The following ANKRD62 variants were observed in gnomAD, a reference collection of about 807,000 sequenced individuals.
ANKRD62 encodes the protein ankyrin repeat domain-containing protein 62.
A neutral mutation model predicts 98.8 loss-of-function variants in ANKRD62; 61 were observed. The observed-to-expected ratio is 0.62, with a 90% confidence interval of 0.50 to 0.76. ANKRD62 has a LOEUF of 0.76. ANKRD62 is among the 30% of genes least tolerant of loss of function. ANKRD62 has a pLI of 0.00. For synonymous variants in ANKRD62, 341 were observed against 367.9 expected, an observed-to-expected ratio of 0.93 and a Z score of 0.84; for missense variants, 933 against 1,082.9, an observed-to-expected ratio of 0.86 and a Z score of 1.94.
the ANKRD62 span, among the ~76,000 whole-genome samples, chr18:12,168,612 A>G: frequency 6.6e-6 from 1 of 152,198 alleles, no homozygotes; most frequent in African/African-American, 2.4e-5. Flanking sequence ...TGTCTTGGCA[A>G]TGAAGGCTCT....
At chr18:12,174,214 G>C in the ANKRD62 span, among the ~76,000 whole-genome samples, 1 of 150,718 alleles carries the variant, frequency 6.6e-6, no homozygotes, top group Admixed American at 6.6e-5. Flanking sequence ...TTTTCTTTCT[G>C]TTCTTGTCTG....
At chr18:12,166,294 T>C in the ANKRD62 span, among the ~76,000 whole-genome samples, 1 of 152,094 alleles carries the variant, frequency 6.6e-6, no homozygotes, top group Non-Finnish European at 1.5e-5. Flanking sequence ...TTGAGGCTAT[T>C]TTCTGTATCT....
intron 7 of ANKRD62, among the ~76,000 whole-genome samples, chr18:12,104,647 G>C (rs1302263526): frequency 6.6e-6 from 1 of 152,106 alleles, no homozygotes; most frequent in African/African-American, 2.4e-5. Flanking sequence ...CTCGTTTTTA[G>C]GAAGAGACAC....
At chr18:12,109,200 C>T (rs1467454401) in intron 8 of ANKRD62, among the ~76,000 whole-genome samples, 1 of 152,198 alleles carries the variant, frequency 6.6e-6, no homozygotes, top group African/African-American at 2.4e-5. Context: ...GGGCTCTGCC[C>T]CTGCAGCAGA....
chr18:12,096,156 G>T, intron 3 of ANKRD62, 40 bp from the exon 4 acceptor site: 2 of 1,315,114 alleles, frequency 1.5e-6, no homozygotes, highest in Non-Finnish European at 2.1e-6. Context: ...TGGGAAGTAT[G>T]TAATTTTGTG....
chr18:12,117,031 A>C (rs1263546909), intron 10 of ANKRD62, among the ~76,000 whole-genome samples: 1 of 152,172 alleles, frequency 6.6e-6, no homozygotes, highest in East Asian at 1.9e-4. Flanking sequence ...TATGCTTAAA[A>C]ATTTAGTCTG....
chr18:12,118,258 C>A (rs1909708063), intron 10 of ANKRD62, among the ~76,000 whole-genome samples: 1 of 152,172 alleles, frequency 6.6e-6, no homozygotes, highest in Non-Finnish European at 1.5e-5. Flanking sequence ...GATGTTTTTA[C>A]CATATCCATA....
At chr18:12,124,995 A>T (rs1909857228) in intron 12 of ANKRD62, among the ~76,000 whole-genome samples, 1 of 152,332 alleles carries the variant, frequency 6.6e-6, no homozygotes. Context: ...AGAATTATCT[A>T]TAAAATAGTC....
chr18:12,139,656 A>AAT, the ANKRD62 span, among the ~76,000 whole-genome samples: 3,571 of 151,922 alleles, frequency 0.024, 74 homozygotes, highest in South Asian at 0.031. Context: ...AAAAAAAAAA[A>AAT]GAATGTTGAG....
chr18:12,158,882 G>C, the ANKRD62 span, among the ~76,000 whole-genome samples: 5 of 152,084 alleles, frequency 3.3e-5, no homozygotes, highest in Admixed American at 6.5e-5. Context: ...GCTGGGCTTC[G>C]AGTGGGAGGT....
At chr18:12,106,792 CA>C (rs1020774727) in intron 7 of ANKRD62, among the ~76,000 whole-genome samples, 1 of 152,144 alleles carries the variant, frequency 6.6e-6, no homozygotes, top group East Asian at 1.9e-4. Flanking sequence ...TCCTAGGATC[CA>C]AAGGGAGAAA....
chr18:12,122,357 T>C lies in ANKRD62; in HGVS notation c.1295T>C (p.Ile432Thr), dbSNP rs1037153654. The C allele has an allele frequency of 2.5e-5, 39 of 1,535,516 alleles. No homozygotes were observed. In the African/African-American group the frequency reaches 3.4e-4, roughly 13 times the overall value. The change falls in exon 11 of 14, where the codon ATA (isoleucine) becomes ACA (threonine). Residue 432 changes from isoleucine to threonine, a missense_variant. Ile to Thr is a moderately conservative substitution (Grantham distance 89). Coordinates refer to ENST00000587848, the MANE Select transcript of ANKRD62 (RefSeq NM_001277333.2). The part of the protein sequence containing the change: ...KNATAACGRS[I>T]EDQKCYCERL... ...GCAACAGCTGCATGTGGAAGATCAA[T>C]AGAGGATCAAAAATGTTACTGTGAA...
At chr18:12,150,810 A>G in the ANKRD62 span, among the ~76,000 whole-genome samples, 1 of 152,232 alleles carries the variant, frequency 6.6e-6, no homozygotes, top group East Asian at 1.9e-4. Flanking sequence ...GGAGCACTAA[A>G]TATAGAAAGA....
the ANKRD62 span, among the ~76,000 whole-genome samples, chr18:12,181,376 C>A: frequency 2.0e-5 from 3 of 152,128 alleles, 1 homozygote; most frequent in East Asian, 5.8e-4. Context: ...TAACATTCAC[C>A]ATATATTTAC....
Position 12,126,142 on chromosome 18 carries a change from A to G in ANKRD62, c.2321A>G (p.Asp774Gly). 1 of 1,536,124 alleles carries G rather than the reference A, an allele frequency of 6.5e-7. No homozygotes were observed. The highest frequency in any genetic ancestry group is 8.7e-7 in the Non-Finnish European group (1 of 1,146,860). Residue 774 changes from aspartate to glycine, a missense_variant, in exon 13 of 14, where the codon GAT becomes GGT. Asp to Gly is a moderately conservative substitution (Grantham distance 94). Transcript: ENST00000587848. ...KYVRKQQSVE[D>G]GLFQLQSQNL... Reference sequence around the variant, plus strand: ...GTGAGAAAGCAGCAATCTGTAGAGGATGGACTATTTCAACTACAAAGCCAA... The same window carrying G: ...GTGAGAAAGCAGCAATCTGTAGAGGGTGGACTATTTCAACTACAAAGCCAA...
intron 11 of ANKRD62, among the ~76,000 whole-genome samples, chr18:12,122,802 T>C (rs1161466892): frequency 6.6e-6 from 1 of 152,180 alleles, no homozygotes; most frequent in Non-Finnish European, 1.5e-5. Context: ...TAATTTTTTG[T>C]ATTAATGCTG....
chr18:12,094,120 C>T lies in ANKRD62; in HGVS notation c.103C>T (p.Arg35Trp), dbSNP rs192488571. The T allele has an allele frequency of 3.3e-6, 5 of 1,533,686 alleles. No homozygotes were observed. The highest frequency in any genetic ancestry group is 4.4e-6 in the Non-Finnish European group (5 of 1,146,460). The change falls in exon 1 of 14, where the codon CGG becomes TGG. Residue 35 changes from arginine (R) to tryptophan (W), a missense_variant. Coordinates refer to ENST00000587848, the MANE Select transcript of ANKRD62 (RefSeq NM_001277333.2). ...CTTCTCAAATCCCGGGTACCGAGTC[C>T]GGCAGAAGGATCTGGGCATGATCCA... ...DGFSNPGYRVRQKDLGMIHKA... is the reference protein window; with the variant it reads ...DGFSNPGYRVWQKDLGMIHKA...
intron 5 of ANKRD62, among the ~76,000 whole-genome samples, chr18:12,098,717 A>T (rs1028812951): frequency 6.6e-6 from 1 of 152,244 alleles, no homozygotes; most frequent in Non-Finnish European, 1.5e-5. Flanking sequence ...GTGCAAATAT[A>T]TTGTTAGTAT....
chr18:12,154,991 A>G, the ANKRD62 span, among the ~76,000 whole-genome samples: 1 of 152,148 alleles, frequency 6.6e-6, no homozygotes, highest in Non-Finnish European at 1.5e-5. Context: ...GGGAGGAGGG[A>G]GAGGAGTAGA....
Sources: gnomAD v4.1 joint callset for allele counts (sites outside exome capture counted in the v4.1 genomes callset) on GRCh38, gnomAD v4.1.1 for gene constraint, MANE v1.5 for transcripts, NCBI Gene and HGNC (gene_info 2026-07-23, HGNC 2026-07-21) for gene names.